Variants in AGBL1 observed in about 807,000 individuals in gnomAD.
AGBL1 encodes the protein cytosolic carboxypeptidase 4.
Under a neutral mutation model 118.9 loss-of-function variants are expected in AGBL1, and 130 were observed. That is an observed-to-expected ratio of 1.09 (90% CI 0.95 to 1.26). AGBL1 has a LOEUF of 1.26. Ranked by LOEUF, AGBL1 falls within the 50% of genes most tolerant of loss-of-function variation. The pLI is 0.00. For synonymous variants in AGBL1, 555 were observed against 478.9 expected (o/e 1.16, Z -2.08); for missense variants, 1,584 against 1,298.1 (o/e 1.22, Z -3.38).
chr15:86,290,429 C>T (rs1597687976), intron 16 of AGBL1, among the ~76,000 whole-genome samples: 1 of 150,352 alleles, frequency 6.7e-6, no homozygotes, highest in African/African-American at 2.4e-5. Flanking sequence ...AGGCTCACTG[C>T]AGCCTTGACC....
chr15:86,706,896 C>A (rs991704764), intron 22 of AGBL1, among the ~76,000 whole-genome samples: 2 of 152,084 alleles, frequency 1.3e-5, no homozygotes, highest in African/African-American at 2.4e-5. Context: ...ACCAGTTACT[C>A]ATCTATGACA....
intron 5 of AGBL1, among the ~76,000 whole-genome samples, chr15:86,164,090 T>C (rs1180689143): frequency 6.6e-6 from 1 of 152,112 alleles, no homozygotes; most frequent in Admixed American, 6.5e-5. Flanking sequence ...AAGTTCAGAG[T>C]CTTTTAGAGT....
At position 86,348,037 on chromosome 15, in the gene AGBL1, C is replaced by G. The variant is rs536087223; in HGVS notation, c.2375-49329C>G. On this transcript the variant is annotated intron_variant, in intron 17 of 22. Coordinates refer to ENST00000614907, the MANE Select transcript of AGBL1 (RefSeq NM_001386094.1). ...ACAAGGTGACAGGGAAGGAGTGAAT[C>G]TGTTGTGTCCCCATGCGTTTCCAAT... 3.3e-5 allele frequency among the ~76,000 whole-genome samples: 5 copies of G among 152,196 alleles called. No individual in the cohort carries two copies. In the East Asian group the frequency reaches 9.7e-4, roughly 29 times the overall value.
intron 22 of AGBL1, among the ~76,000 whole-genome samples, chr15:86,906,819 C>A (rs2080287058): frequency 6.6e-6 from 1 of 152,274 alleles, no homozygotes; most frequent in East Asian, 1.9e-4. Context: ...AACTTTCCCC[C>A]CCAAGCCTCA....
chr15:86,185,033 C>A (rs1291234762), intron 5 of AGBL1, among the ~76,000 whole-genome samples: 3 of 152,102 alleles, frequency 2.0e-5, no homozygotes, highest in African/African-American at 4.8e-5. Context: ...CTAATATCCA[C>A]CATCACAAAG....
chr15:86,794,580 T>C (rs145669727), intron 22 of AGBL1, among the ~76,000 whole-genome samples: 1,801 of 152,262 alleles, frequency 0.012, 25 homozygotes, highest in Middle Eastern at 0.051. Context: ...TTGTACACAG[T>C]ACTTTACAAT....
chr15:86,391,640 GTTT>G (rs751427467), intron 17 of AGBL1, among the ~76,000 whole-genome samples: 39 of 73,780 alleles, frequency 5.3e-4, no homozygotes, highest in Non-Finnish European at 7.2e-4. Context: ...GTTGTTGTTG[GTTT>G]TTTTTTTTTT....
intron 18 of AGBL1, among the ~76,000 whole-genome samples, chr15:86,452,116 A>G (rs569357449): frequency 6.6e-6 from 1 of 152,276 alleles, no homozygotes; most frequent in African/African-American, 2.4e-5. Flanking sequence ...TAGAAATCTT[A>G]GGAATAATCT....
intron 18 of AGBL1, among the ~76,000 whole-genome samples, chr15:86,499,058 A>G (rs776344974): frequency 7.9e-5 from 12 of 152,002 alleles, no homozygotes; most frequent in Middle Eastern, 3.4e-3. Flanking sequence ...TCTTTACCCA[A>G]TTCCACATTC....
chr15:86,834,256 A>G (rs187225215), intron 22 of AGBL1, among the ~76,000 whole-genome samples: 9 of 151,578 alleles, frequency 5.9e-5, no homozygotes, highest in African/African-American at 2.2e-4. Flanking sequence ...CTAAGAGTTC[A>G]GTCCCTATAG....
chr15:86,827,938 C>CTTTTTTTT lies in AGBL1; in HGVS notation c.3159-79136_3159-79129dup, dbSNP rs71144074. Among the ~76,000 whole-genome samples, 104 of 16,752 alleles carry CTTTTTTTT rather than the reference C, an allele frequency of 6.2e-3. 22 individuals carry two copies. Among genetic ancestry groups the CTTTTTTTT allele is most frequent in the East Asian group, 0.011 (4 of 352 alleles). 11.0% of individuals were successfully genotyped at this position (16,752 alleles called of 152,430 possible). On this transcript the variant is annotated intron_variant, in intron 22 of 22. Transcript: ENST00000614907. ...ATAGTCTCTGGCACTTGATGTAGGG[C>CTTTTTTTT]TTTTTTTTTTTTTTTTTTTTGAGAC...
At position 86,292,092 on chromosome 15, in the gene AGBL1, A is replaced by G. The variant is rs576993546; in HGVS notation, c.2221-3163A>G. Among the ~76,000 whole-genome samples, 5 of 152,302 alleles carry G rather than the reference A, an allele frequency of 3.3e-5. No homozygotes were observed. The East Asian group carries it at 9.7e-4, about 29-fold the overall frequency. ...TGGTAGGCAGAATAATGGACCTCCA[A>G]AATGTCCACATCGCAATCCTGTGAA... On this transcript the variant is annotated intron_variant, in intron 16 of 22. Coordinates refer to ENST00000614907, the MANE Select transcript of AGBL1 (RefSeq NM_001386094.1).
chr15:87,004,371 C>T (rs1286379062), intron 24 of AGBL1, among the ~76,000 whole-genome samples: 1 of 152,136 alleles, frequency 6.6e-6, no homozygotes, highest in Admixed American at 6.5e-5. Context: ...TCTGCGTTCT[C>T]CTGTAGTGGG....
chr15:86,440,702 A>G (rs2082053601), intron 18 of AGBL1, among the ~76,000 whole-genome samples: 1 of 152,166 alleles, frequency 6.6e-6, no homozygotes, highest in South Asian at 2.1e-4. Context: ...AAGGTAGAGT[A>G]TGTACCTACT....
Position 86,295,265 on chromosome 15 carries a change from A to G in AGBL1, c.2231A>G (p.Asp744Gly), listed in dbSNP as rs774896751. 8 of 1,613,482 alleles carry G rather than the reference A, an allele frequency of 5.0e-6. No homozygotes were observed. In the African/African-American group the frequency reaches 6.7e-5, roughly 13 times the overall value. The change falls in exon 17 of 23, where the codon GAC (aspartate) becomes GGC (glycine). Residue 744 changes from aspartate (D) to glycine (G), a missense_variant. Asp to Gly is a moderately conservative substitution (Grantham distance 94). Coordinates refer to ENST00000614907, the MANE Select transcript of AGBL1 (RefSeq NM_001386094.1). ...YTYTALMTHL[D>G]ILEKSVNLKE... ...TTATTTCTGCTCCAGACTCATCTTG[A>G]CATCCTGGAAAAGAGTGTCAACCTC... is the stretch of plus-strand genomic sequence containing the variant.
At chr15:86,756,979 C>G (rs190903562) in intron 22 of AGBL1, among the ~76,000 whole-genome samples, 1 of 150,504 alleles carries the variant, frequency 6.6e-6, no homozygotes, top group East Asian at 2.0e-4. Flanking sequence ...CTACTCATTC[C>G]GCTTGTAACT....
At chr15:87,010,063 T>C (rs2081542620) in intron 24 of AGBL1, among the ~76,000 whole-genome samples, 1 of 152,082 alleles carries the variant, frequency 6.6e-6, no homozygotes, top group South Asian at 2.1e-4. Flanking sequence ...TTTTGAAATG[T>C]GAGGACATGA....
At chr15:86,429,288 C>G (rs537791336) in intron 18 of AGBL1, among the ~76,000 whole-genome samples, 6 of 152,332 alleles carry the variant, frequency 3.9e-5, no homozygotes, top group Admixed American at 2.0e-4. Flanking sequence ...CTGCCTTTCT[C>G]CAGGGCCAGT....
At chr15:86,465,500 G>A (rs2082391370) in intron 18 of AGBL1, among the ~76,000 whole-genome samples, 1 of 152,178 alleles carries the variant, frequency 6.6e-6, no homozygotes, top group Non-Finnish European at 1.5e-5. Context: ...GAAGAACAGA[G>A]TCATATTTCT....
Sources: allele counts gnomAD v4.1 joint callset (sites outside exome capture counted in the v4.1 genomes callset), GRCh38; gene constraint gnomAD v4.1.1; transcripts MANE v1.5; gene names NCBI Gene and HGNC (gene_info 2026-07-23, HGNC 2026-07-21).